The following MYO5A variants were observed in gnomAD, a reference collection of about 807,000 sequenced individuals.
MYO5A encodes the protein myosin VA, also known as unconventional myosin-Va.
A neutral mutation model predicts 249.7 loss-of-function variants in MYO5A; 98 were observed. The ratio of observed to expected loss-of-function variants is 0.39; its 90% CI spans 0.33 to 0.46. The LOEUF (loss-of-function observed/expected upper bound fraction) is 0.46, where lower values mean the gene tolerates loss of function less well. Among genes scored for constraint, MYO5A ranks in the 20% least tolerant of loss-of-function variants. The pLI is 0.98. For synonymous variants in MYO5A, 778 were observed against 810.6 expected (o/e 0.96, Z 0.68); for missense variants, 1,696 against 2,308.8 (o/e 0.73, Z 5.44).
At chr15:52,402,409 C>G (rs948670030) in intron 9 of MYO5A, among the ~76,000 whole-genome samples, 1 of 152,092 alleles carries the variant, frequency 6.6e-6, no homozygotes, top group Non-Finnish European at 1.5e-5. Flanking sequence ...TCTTTGTGTT[C>G]CCCTGTTTAT....
At position 52,404,267 on chromosome 15, in the gene MYO5A, CAAAAA is replaced by C. The variant is rs61505096; in HGVS notation, c.1053+1015_1053+1019del. Among the ~76,000 whole-genome samples the C allele has an allele frequency of 1.8e-4, 16 of 87,564 alleles. 1 individual carries two copies. Among genetic ancestry groups the C allele is most frequent in the Middle Eastern group, 6.3e-3 (1 of 160 alleles). 57.4% of individuals were successfully genotyped at this position (87,564 alleles called of 152,430 possible). On this transcript the variant is annotated intron_variant, in intron 9 of 41. Transcript: ENST00000399233. The stretch of plus-strand genomic sequence containing the variant: ...GGGCGACAAGAGTGAAACTCCGTCT[CAAAAA>C]AAAAAAAAAAAAAAAAAAGTTATGG...
rs961218362 is a variant in MYO5A, at chr15:52,390,548, C to CTT, written c.1543-1187_1543-1186dup. Reference sequence around the variant, plus strand: ...CTCCAACTTAATTATTTCTCCCTCTCTTTTTTTTTTTCTTTTTTTTTTTTT... The same window carrying CTT: ...CTCCAACTTAATTATTTCTCCCTCTCTTTTTTTTTTTTTCTTTTTTTTTTTTT... On this transcript the variant is annotated intron_variant, in intron 12 of 41. Transcript: ENST00000399233. Among the ~76,000 whole-genome samples, 110 of 140,146 alleles carry CTT rather than the reference C, an allele frequency of 7.8e-4. 1 individual carries two copies. Among genetic ancestry groups the CTT allele is most frequent in the African/African-American group, 2.8e-3 (105 of 37,462 alleles). 91.9% of individuals were successfully genotyped at this position (140,146 alleles called of 152,430 possible).
rs8032235 is a variant in MYO5A at position 52,371,377 on chromosome 15, C to T, written c.2817+747G>A. Reference sequence around the variant, plus strand: ...CAACAGATTGCAAGTTCATCAGAAGCATCAACATTTTCCTGATGCTTTTGC... The same window carrying T: ...CAACAGATTGCAAGTTCATCAGAAGTATCAACATTTTCCTGATGCTTTTGC... On this transcript the variant is annotated intron_variant, in intron 21 of 41. Coordinates refer to ENST00000399233, the MANE Select transcript of MYO5A (RefSeq NM_001382347.1). Among the ~76,000 whole-genome samples the T allele has an allele frequency of 1.8e-3, 270 of 152,302 alleles. 3 individuals are homozygous for T. Among genetic ancestry groups the T allele is most frequent in the African/African-American group, 6.2e-3 (258 of 41,564 alleles).
At chr15:52,369,869 CTTTTTTT>C (rs5812601) in intron 22 of MYO5A, among the ~76,000 whole-genome samples, 3 of 93,828 alleles carry the variant, frequency 3.2e-5, no homozygotes, top group Non-Finnish European at 4.3e-5. Context: ...CCCAGACTGA[CTTTTTTT>C]TTTTTTTTTT....
intron 10 of MYO5A, 140 bp downstream of exon 10, chr15:52,397,061 C>T: frequency 1.0e-6 from 1 of 992,610 alleles, no homozygotes; most frequent in Non-Finnish European, 1.5e-6. Context: ...TCACCATCAT[C>T]AAGGTATTCT....
intron 16 of MYO5A, among the ~76,000 whole-genome samples, chr15:52,382,654 T>C (rs147593397): frequency 1.3e-5 from 2 of 152,226 alleles, no homozygotes; most frequent in African/African-American, 4.8e-5. Flanking sequence ...TCTCCCTTCA[T>C]GCATGGTATC....
Position 52,375,428 on chromosome 15 carries a change from G to T in MYO5A, c.2453C>A (p.Ala818Glu). The T allele has an allele frequency of 1.2e-6, 2 of 1,614,140 alleles. No individual in the cohort carries two copies. The highest frequency in any genetic ancestry group is 1.1e-5 in the South Asian group (1 of 91,080). ...YAKFLRRTKA[A>E]TIIQKYWRMY... ...GCGCCAGTACTTTTGAATGATGGTTGCTGCCTTGGTTCTGCGCAGAAACTT... is the reference window on the plus strand; with the variant it reads ...GCGCCAGTACTTTTGAATGATGGTTTCTGCCTTGGTTCTGCGCAGAAACTT... The change falls in exon 20 of 42, where the codon GCA becomes GAA. Residue 818 changes from alanine (A) to glutamate (E), a missense_variant. Physicochemically the swap from Ala to Glu is moderately radical, Grantham distance 107. Coordinates refer to ENST00000399233, the MANE Select transcript of MYO5A (RefSeq NM_001382347.1).
chr15:52,436,304 T>G (rs530443235), intron 1 of MYO5A, among the ~76,000 whole-genome samples: 1 of 152,202 alleles, frequency 6.6e-6, no homozygotes. Flanking sequence ...TTCCTTCCCC[T>G]GCCAACCTCT....
At chr15:52,459,756 GCC>G (rs1337795091) in intron 1 of MYO5A, among the ~76,000 whole-genome samples, 1 of 151,758 alleles carries the variant, frequency 6.6e-6, no homozygotes, top group Admixed American at 6.6e-5. Flanking sequence ...GGGCAGAGGG[GCC>G]CCCCACCTCC....
chr15:52,391,787 C>T, intron 12 of MYO5A, 143 bp downstream of exon 12: 2 of 779,438 alleles, frequency 2.6e-6, no homozygotes, highest in Non-Finnish European at 2.1e-6. Context: ...GTCTAGTGTC[C>T]CTTTGGAATG....
chr15:52,519,569 G>A (rs1361956802), intron 1 of MYO5A, among the ~76,000 whole-genome samples: 9 of 151,468 alleles, frequency 5.9e-5, no homozygotes, highest in East Asian at 1.9e-4. Context: ...CTATGCTTGC[G>A]CTACTGCACT....
rs140730168 is a variant in MYO5A at position 52,413,516 on chromosome 15, T to A, written c.612+2629A>T. ...ACCCTGGATTGTAATGTTAACCATG[T>A]AGGATGCTCATTATCCTATGAGGAG... On this transcript the variant is annotated intron_variant, in intron 5 of 41. Transcript: ENST00000399233. Among the ~76,000 whole-genome samples the A allele has an allele frequency of 1.3e-4, 20 of 152,306 alleles. No homozygotes were observed. In the East Asian group the frequency reaches 3.5e-3, roughly 26 times the overall value.
intron 27 of MYO5A, among the ~76,000 whole-genome samples, chr15:52,352,974 T>C (rs568425576): frequency 6.6e-5 from 10 of 152,304 alleles, no homozygotes; most frequent in African/African-American, 2.4e-4. Flanking sequence ...GACACATAAA[T>C]GTCATTACTT....
In MYO5A at chr15:52,351,445, T is replaced by A; in HGVS notation, c.3658A>T (p.Asn1220Tyr). Residue 1220 changes from asparagine (N) to tyrosine (Y), a missense_variant, in exon 28 of 42, where the codon AAT (asparagine) becomes TAT (tyrosine). Asn to Tyr is a moderately radical substitution (Grantham distance 143, BLOSUM62 -2). This residue lies in a region of MYO5A where 625 missense variants were observed against 908.1 expected (regional missense o/e 0.69). Transcript: ENST00000399233. ...ELESENKKLKNELNELRKALS... is the reference protein window; with the variant it reads ...ELESENKKLKYELNELRKALS... The stretch of plus-strand genomic sequence containing the variant: ...GCCTTGCGCAACTCATTTAGCTCAT[T>A]CTTCAGTTTTTTGTTTTCTGATTCT... The A allele has an allele frequency of 1.9e-6, 3 of 1,614,194 alleles. No homozygotes were observed. The highest frequency in any genetic ancestry group is 2.5e-6 in the Non-Finnish European group (3 of 1,180,024).
At chr15:52,365,021 T>G (rs762791723) in intron 23 of MYO5A, among the ~76,000 whole-genome samples, 1 of 152,224 alleles carries the variant, frequency 6.6e-6, no homozygotes, top group African/African-American at 2.4e-5. Context: ...GTACATATTT[T>G]TATTCCAATG....
intron 1 of MYO5A, among the ~76,000 whole-genome samples, chr15:52,482,193 A>G (rs1339803974): frequency 3.3e-5 from 5 of 152,218 alleles, no homozygotes; most frequent in Non-Finnish European, 7.3e-5. Flanking sequence ...AACTTCCTGG[A>G]TATAGCAACC....
chr15:52,406,379 C>T (rs1041237258), intron 8 of MYO5A, among the ~76,000 whole-genome samples: 1 of 152,066 alleles, frequency 6.6e-6, no homozygotes, highest in Non-Finnish European at 1.5e-5. Flanking sequence ...CACAAATTTA[C>T]TATTTACAAA....
intron 8 of MYO5A, among the ~76,000 whole-genome samples, chr15:52,406,255 A>G (rs141141670): frequency 2.5e-3 from 374 of 152,294 alleles, no homozygotes; most frequent in African/African-American, 8.6e-3. Flanking sequence ...CATCTCCTGC[A>G]TTATGGCTTT....
intron 1 of MYO5A, among the ~76,000 whole-genome samples, chr15:52,479,881 G>A (rs1286491027): frequency 1.3e-5 from 2 of 152,174 alleles, no homozygotes; most frequent in East Asian, 1.9e-4. Flanking sequence ...CAGTGAGTCT[G>A]GCCTTGCTCT....
Sources: gnomAD v4.1 joint callset for allele counts (sites outside exome capture counted in the v4.1 genomes callset) on GRCh38, gnomAD v4.1.1 for gene constraint, gnomAD v4.1.1 regional missense constraint, MANE v1.5 for transcripts, NCBI Gene and HGNC (gene_info 2026-07-23, HGNC 2026-07-21) for gene names.